GALNT17: variants seen among roughly 807,000 people sequenced by gnomAD.
GALNT17 encodes polypeptide N-acetylgalactosaminyltransferase 17.
GALNT17 carries 29 observed loss-of-function variants against 63.7 expected under a neutral mutation model. The ratio of observed to expected loss-of-function variants is 0.46; its 90% CI spans 0.34 to 0.62. The LOEUF (loss-of-function observed/expected upper bound fraction) is 0.62, where lower values mean the gene tolerates loss of function less well. Ranked by LOEUF, GALNT17 falls within the 20% of genes least tolerant of loss-of-function variation. The pLI is 0.01. For synonymous variants in GALNT17, 305 were observed against 318.3 expected (o/e 0.96, Z 0.45); for missense variants, 603 against 799.6 (o/e 0.75, Z 2.97).
At chr7:71,301,827 G>C (rs1419359354) in intron 1 of GALNT17, among the ~76,000 whole-genome samples, 1 of 152,194 alleles carries the variant, frequency 6.6e-6, no homozygotes, top group East Asian at 1.9e-4. Context: ...AGGCAAAAAA[G>C]AATTTCACTG....
intron 2 of GALNT17, among the ~76,000 whole-genome samples, chr7:71,345,682 G>C (rs528171711): frequency 6.6e-6 from 1 of 152,236 alleles, no homozygotes; most frequent in East Asian, 1.9e-4. Flanking sequence ...ACTCGTATGT[G>C]TATGTGAGTC....
intron 1 of GALNT17, among the ~76,000 whole-genome samples, chr7:71,141,681 T>TTC (rs1005382205): frequency 8.2e-5 from 12 of 146,148 alleles, no homozygotes; most frequent in South Asian, 4.3e-4. Context: ...CTTTCTTTCT[T>TTC]TTTTTTTTTT....
intron 1 of GALNT17, among the ~76,000 whole-genome samples, chr7:71,250,169 G>A (rs1321342573): frequency 2.0e-5 from 3 of 152,170 alleles, no homozygotes; most frequent in Non-Finnish European, 2.9e-5. Context: ...CTCATTCATC[G>A]TTTAAATGTC....
chr7:71,173,748 G>A (rs1788586022), intron 1 of GALNT17, among the ~76,000 whole-genome samples: 1 of 152,120 alleles, frequency 6.6e-6, no homozygotes, highest in African/African-American at 2.4e-5. Context: ...ACTCCAGCTT[G>A]TGCGATAGGG....
chr7:71,287,075 G>A (rs1790888226), intron 1 of GALNT17, among the ~76,000 whole-genome samples: 1 of 151,602 alleles, frequency 6.6e-6, no homozygotes, highest in Non-Finnish European at 1.5e-5. Context: ...ACTGCGTCCA[G>A]CTGCTTTTAA....
At chr7:71,169,649 G>A (rs953656575) in intron 1 of GALNT17, among the ~76,000 whole-genome samples, 1 of 152,116 alleles carries the variant, frequency 6.6e-6, no homozygotes, top group Non-Finnish European at 1.5e-5. Context: ...TTGACATCTT[G>A]GGCTCAAGTG....
At chr7:71,663,099 T>C (rs1415402733) in intron 6 of GALNT17, among the ~76,000 whole-genome samples, 2 of 152,196 alleles carry the variant, frequency 1.3e-5, no homozygotes, top group Non-Finnish European at 2.9e-5. Flanking sequence ...ATCTTGACTA[T>C]AGTAGCTTTG....
chr7:71,347,890 G>GA (rs926056776), intron 2 of GALNT17, among the ~76,000 whole-genome samples: 3 of 150,728 alleles, frequency 2.0e-5, no homozygotes, highest in African/African-American at 4.9e-5. Flanking sequence ...CAGACCAGAA[G>GA]AAAAAAAAAG....
At chr7:71,690,530 G>A (rs73191027) in intron 9 of GALNT17, among the ~76,000 whole-genome samples, 2,030 of 152,280 alleles carry the variant, frequency 0.013, 22 homozygotes, top group Non-Finnish European at 0.02. Context: ...TGACCTTCAA[G>A]TCTTATTTAA....
chr7:71,167,423 C>G (rs1270052071), intron 1 of GALNT17, among the ~76,000 whole-genome samples: 1 of 151,834 alleles, frequency 6.6e-6, no homozygotes, highest in Non-Finnish European at 1.5e-5. Flanking sequence ...AAATCATTGC[C>G]CATTTTCTTT....
intron 9 of GALNT17, among the ~76,000 whole-genome samples, chr7:71,709,822 C>T (rs943991831): frequency 1.3e-5 from 2 of 152,192 alleles, no homozygotes; most frequent in African/African-American, 4.8e-5. Flanking sequence ...TGGTCTCGAA[C>T]TCCTGGCTTC....
intron 6 of GALNT17, among the ~76,000 whole-genome samples, chr7:71,590,340 T>C (rs900518441): frequency 1.6e-4 from 24 of 152,184 alleles, no homozygotes; most frequent in African/African-American, 5.8e-4. Flanking sequence ...ACTTGCCTGC[T>C]CCCAGCCTGC....
chr7:71,325,575 A>G (rs375328133), intron 1 of GALNT17, among the ~76,000 whole-genome samples: 4 of 152,286 alleles, frequency 2.6e-5, no homozygotes, highest in African/African-American at 9.6e-5. Flanking sequence ...AACCCTGGAG[A>G]AAATCATGTC....
intron 1 of GALNT17, among the ~76,000 whole-genome samples, chr7:71,255,377 A>G (rs1485307659): frequency 6.6e-6 from 1 of 152,116 alleles, no homozygotes; most frequent in Non-Finnish European, 1.5e-5. Context: ...TGTACCTTTC[A>G]CCTTCCACCA....
intron 1 of GALNT17, among the ~76,000 whole-genome samples, chr7:71,190,041 G>C (rs1406522647): frequency 6.6e-6 from 1 of 152,018 alleles, no homozygotes; most frequent in Non-Finnish European, 1.5e-5. Flanking sequence ...TCGATCACCT[G>C]ACCTTGTGAT....
In GALNT17 at chr7:71,454,576, GAA is replaced by G. The variant is rs1302939560; in HGVS notation, c.962+33473_962+33474del. 2.6e-5 allele frequency among the ~76,000 whole-genome samples: 4 copies of G among 152,162 alleles called. No homozygotes were observed. In the East Asian group the frequency reaches 7.7e-4, roughly 29 times the overall value. On this transcript the variant is annotated intron_variant, in intron 5 of 10. Transcript: ENST00000333538. ...AAGTGTAGCCTCTGGTCAGAAGCCAGAAATACTTTGAGAGAAGGTCAAAGGTA... is the reference window on the plus strand; with the variant it reads ...AAGTGTAGCCTCTGGTCAGAAGCCAGATACTTTGAGAGAAGGTCAAAGGTA...
chr7:71,636,617 A>T (rs1490698102), intron 6 of GALNT17, among the ~76,000 whole-genome samples: 1 of 152,244 alleles, frequency 6.6e-6, no homozygotes, highest in African/African-American at 2.4e-5. Context: ...AAATAGCTGC[A>T]GTGAAGACCC....
At chr7:71,217,789 A>G (rs1255282986) in intron 1 of GALNT17, among the ~76,000 whole-genome samples, 1 of 152,040 alleles carries the variant, frequency 6.6e-6, no homozygotes, top group African/African-American at 2.4e-5. Flanking sequence ...TTAACTGGGC[A>G]TGGTAGCAGG....
intron 2 of GALNT17, among the ~76,000 whole-genome samples, chr7:71,357,692 A>C (rs979361896): frequency 1.3e-5 from 2 of 152,058 alleles, no homozygotes; most frequent in Non-Finnish European, 2.9e-5. Context: ...GGATCATTTG[A>C]GGTCGGGAGT....
Sources: allele counts gnomAD v4.1 joint callset (sites outside exome capture counted in the v4.1 genomes callset), GRCh38; gene constraint gnomAD v4.1.1; transcripts MANE v1.5; gene names NCBI Gene and HGNC (gene_info 2026-07-23, HGNC 2026-07-21).